TNRC6B: variants seen among roughly 807,000 people sequenced by gnomAD.
TNRC6B encodes trinucleotide repeat containing adaptor 6B.
In TNRC6B, 52 loss-of-function variants were observed where a neutral mutation model predicts 203.6. That is an observed-to-expected ratio of 0.26 (90% CI 0.20 to 0.32). TNRC6B has a LOEUF of 0.32. TNRC6B is among the 10% of genes least tolerant of loss of function. The pLI, the probability that TNRC6B is intolerant of heterozygous loss-of-function variation, is 1.00. For synonymous variants in TNRC6B, 838 were observed against 845.7 expected (o/e 0.99, Z 0.16); for missense variants, 1,923 against 2,286.2 (o/e 0.84, Z 3.24).
At chr22:40,309,458 T>C (rs2071141104) in intron 16 of TNRC6B, among the ~76,000 whole-genome samples, 1 of 152,258 alleles carries the variant, frequency 6.6e-6, no homozygotes, top group South Asian at 2.1e-4. Flanking sequence ...TCCAGGAGGC[T>C]GGTGAAATGC....
chr22:40,301,429 G>C, intron 15 of TNRC6B, 96 bp downstream of exon 15: 1 of 1,281,438 alleles, frequency 7.8e-7, no homozygotes. Context: ...TTTTATGTCA[G>C]CTGTACAAGG....
At chr22:40,121,961 A>C (rs1263333996) in intron 2 of TNRC6B, among the ~76,000 whole-genome samples, 3 of 152,260 alleles carry the variant, frequency 2.0e-5, no homozygotes, top group African/African-American at 7.2e-5. Flanking sequence ...ATAAGCTTCT[A>C]CAAGAAAATA....
chr22:40,247,484 T>C (rs1435171594), intron 2 of TNRC6B, among the ~76,000 whole-genome samples: 1 of 152,250 alleles, frequency 6.6e-6, no homozygotes, highest in African/African-American at 2.4e-5. Flanking sequence ...AGAAAAATTC[T>C]GAAAATAGTT....
At chr22:40,299,614 C>A (rs953854699) in intron 12 of TNRC6B, among the ~76,000 whole-genome samples, 1 of 152,080 alleles carries the variant, frequency 6.6e-6, no homozygotes, top group African/African-American at 2.4e-5. Flanking sequence ...TTCTCAATCT[C>A]CTAGGCACAA....
At chr22:40,194,970 C>G (rs916828356) in intron 1 of TNRC6B, among the ~76,000 whole-genome samples, 6 of 152,162 alleles carry the variant, frequency 3.9e-5, no homozygotes, top group African/African-American at 7.2e-5. Context: ...CAGGGGAGAC[C>G]TGCTTTAAAT....
intron 1 of TNRC6B, among the ~76,000 whole-genome samples, chr22:40,241,822 T>G (rs2070032734): frequency 6.6e-6 from 1 of 152,248 alleles, no homozygotes; most frequent in Non-Finnish European, 1.5e-5. Context: ...TATTTCTCTC[T>G]GTATGAACTT....
intron 1 of TNRC6B, among the ~76,000 whole-genome samples, chr22:40,111,295 G>T (rs949035580): frequency 1.5e-5 from 2 of 136,378 alleles, no homozygotes; most frequent in African/African-American, 7.4e-5. Context: ...AGCAGGGACC[G>T]GGGTGAGCAG....
At chr22:40,137,343 GAACTCCAGGCCTGTCT>G (rs1352205467) in intron 3 of TNRC6B, among the ~76,000 whole-genome samples, 1 of 152,152 alleles carries the variant, frequency 6.6e-6, no homozygotes, top group East Asian at 1.9e-4. Context: ...CATTTGGGTT[GAACTCCAGGCCTGTCT>G]GACTCCAGAG....
chr22:40,049,242 C>T (rs1174907013), intron 1 of TNRC6B, among the ~76,000 whole-genome samples: 2 of 151,992 alleles, frequency 1.3e-5, no homozygotes, highest in East Asian at 3.9e-4. Context: ...TTAGGGATTT[C>T]ACCATGTTGG....
At chr22:40,162,390 G>A (rs576135595) in intron 4 of TNRC6B, among the ~76,000 whole-genome samples, 11 of 152,220 alleles carry the variant, frequency 7.2e-5, no homozygotes, top group East Asian at 3.9e-4. Context: ...CACCGCACCC[G>A]GTTTTATTAG....
At chr22:40,320,981 T>G in intron 21 of TNRC6B, 109 bp from the exon 22 acceptor site, 1 of 1,307,282 alleles carries the variant, frequency 7.6e-7, no homozygotes, top group Non-Finnish European at 1.1e-6. Flanking sequence ...TTATGGAAAC[T>G]ATTTGCAAAA....
chr22:40,170,425 TTA>T (rs1472210301), intron 4 of TNRC6B, among the ~76,000 whole-genome samples: 3 of 23,662 alleles, frequency 1.3e-4, no homozygotes, highest in African/African-American at 1.0e-3. Context: ...TATATATATA[TTA>T]TATATATAGT....
chr22:40,234,317 T>C (rs2146454606), intron 1 of TNRC6B, among the ~76,000 whole-genome samples: 1 of 152,302 alleles, frequency 6.6e-6, no homozygotes, highest in South Asian at 2.1e-4. Context: ...AAGGTTATAC[T>C]GTAATTACAC....
intron 1 of TNRC6B, among the ~76,000 whole-genome samples, chr22:40,183,510 G>A (rs569372567): frequency 3.6e-4 from 55 of 152,146 alleles, no homozygotes; most frequent in African/African-American, 1.3e-3. Flanking sequence ...TTGTATCCAC[G>A]TTTACTTGGC....
In TNRC6B at chr22:40,315,504, T is replaced by A; in HGVS notation, c.4900T>A (p.Ser1634Thr). Residue 1634 changes from serine to threonine, a missense_variant, in exon 20 of 23, where the codon TCG (serine) becomes ACG (threonine). By Grantham distance (58) the Ser-to-Thr change is moderately conservative. Transcript: ENST00000454349. The stretch of plus-strand genomic sequence containing the variant: ...GGGGACACAGGACTCACGGCTCGCC[T>A]CGGGTGAGGAGGATCTGCCTAAAGG... ...GWGTQDSRLA[S>T]ASTWSDGGSV... 1 of 1,613,854 alleles carries A rather than the reference T, an allele frequency of 6.2e-7. No homozygotes were observed.
intron 1 of TNRC6B, among the ~76,000 whole-genome samples, chr22:40,211,502 G>T (rs973397688): frequency 6.6e-6 from 1 of 152,094 alleles, no homozygotes; most frequent in Non-Finnish European, 1.5e-5. Flanking sequence ...GGTGCTTTAC[G>T]TATATCATTT....
At chr22:40,088,128 A>G (rs2146294433) in intron 1 of TNRC6B, among the ~76,000 whole-genome samples, 1 of 152,286 alleles carries the variant, frequency 6.6e-6, no homozygotes, top group Admixed American at 6.5e-5. Context: ...AACTCATAAA[A>G]AGTTGTACCT....
intron 1 of TNRC6B, among the ~76,000 whole-genome samples, chr22:40,046,667 CAG>C (rs1449206066): frequency 8.3e-6 from 1 of 120,222 alleles, no homozygotes; most frequent in African/African-American, 3.3e-5. Flanking sequence ...TTTTTTGAGA[CAG>C]AGTCTCAAAG....
chr22:40,134,647 T>C (rs913109512), intron 3 of TNRC6B, among the ~76,000 whole-genome samples: 1 of 152,190 alleles, frequency 6.6e-6, no homozygotes, highest in African/African-American at 2.4e-5. Flanking sequence ...CAAACCACCA[T>C]GGCACATGTA....
Sources: gnomAD v4.1 joint callset for allele counts (sites outside exome capture counted in the v4.1 genomes callset) on GRCh38, gnomAD v4.1.1 for gene constraint, MANE v1.5 for transcripts, NCBI Gene and HGNC (gene_info 2026-07-23, HGNC 2026-07-21) for gene names.